The following YIPF6 variants were observed in gnomAD, a reference collection of about 807,000 sequenced individuals.
YIPF6 encodes protein YIPF6.
A neutral mutation model predicts 16.8 loss-of-function variants in YIPF6; 3 were observed. That is an observed-to-expected ratio of 0.18 (90% CI 0.08 to 0.46). The LOEUF is 0.46. YIPF6 is among the 20% of genes least tolerant of loss of function. YIPF6 has a pLI of 0.98. For synonymous variants in YIPF6, 67 were observed against 61.9 expected, an observed-to-expected ratio of 1.08 and a Z score of -0.38; for missense variants, 145 against 184.9, an observed-to-expected ratio of 0.78 and a Z score of 1.25.
chrX:68,521,057 G>A (rs1362459541), intron 4 of YIPF6, among the ~76,000 whole-genome samples: 1 of 110,468 alleles, frequency 9.1e-6, no homozygotes, highest in Non-Finnish European at 1.9e-5. Flanking sequence ...ATAAGCCCAA[G>A]GCCTCATTAT....
At chrX:68,523,428 G>T (rs900129041) in intron 6 of YIPF6, among the ~76,000 whole-genome samples, 35 of 111,711 alleles carry the variant, frequency 3.1e-4, no homozygotes, top group African/African-American at 1.1e-3. Context: ...CTTGCCCTAG[G>T]TTGCATTACT....
rs201143857 is a variant in YIPF6, at chrX:68,502,830, CTT to C, written c.57+3720_57+3721del. Among the ~76,000 whole-genome samples, 82 of 96,983 alleles carry C rather than the reference CTT, an allele frequency of 8.5e-4. No individual in the cohort carries two copies. The East Asian group carries it at 0.024, about 28-fold the overall frequency. 84.2% of individuals were successfully genotyped at this position (96,983 alleles called of 115,157 possible). A position where few individuals can be genotyped will look rare whatever the true frequency, so the allele number is the denominator to read the frequency against. On this transcript the variant is annotated intron_variant, in intron 1 of 6. Coordinates refer to ENST00000462683, the MANE Select transcript of YIPF6 (RefSeq NM_173834.4). The stretch of plus-strand genomic sequence containing the variant: ...TGTAATAATGGCTGCAGTCTGGGGT[CTT>C]TTTTTTTTTTTTGAGCCGGAGTTTT...
chrX:68,527,756 T>G (rs899838054), intron 6 of YIPF6, among the ~76,000 whole-genome samples: 1 of 112,209 alleles, frequency 8.9e-6, no homozygotes, highest in African/African-American at 3.2e-5. Context: ...AGCAGGTCGT[T>G]CAGTTTCTGT....
At chrX:68,526,199 A>C (rs2079147064) in intron 6 of YIPF6, among the ~76,000 whole-genome samples, 1 of 111,343 alleles carries the variant, frequency 9.0e-6, no homozygotes, top group African/African-American at 3.3e-5. Flanking sequence ...GAGGTCCTTC[A>C]TATCCCTTGT....
chrX:68,518,824 C>A lies in YIPF6; in HGVS notation c.308+12C>A. 8.5e-7 allele frequency: 1 copy of A among 1,169,641 alleles called. No homozygotes were observed. Among genetic ancestry groups the A allele is most frequent in the African/African-American group, 1.8e-5 (1 of 55,334 alleles). ...GTGACACTCGCATTGTAAGTACTTG[C>A]ATTTTCTTTCTTTGTCATTTGAGCT... On this transcript the variant is annotated intron_variant, in intron 4 of 6. Coordinates refer to ENST00000462683, the MANE Select transcript of YIPF6 (RefSeq NM_173834.4).
At chrX:68,531,451 C>T (rs908020065) in intron 6 of YIPF6, among the ~76,000 whole-genome samples, 6 of 111,473 alleles carry the variant, frequency 5.4e-5, no homozygotes, top group African/African-American at 2.0e-4. Flanking sequence ...ATGAGTAAAA[C>T]GATGATTAGG....
At chrX:68,516,236 A>G (rs769089148) in intron 3 of YIPF6, among the ~76,000 whole-genome samples, 6 of 112,592 alleles carry the variant, frequency 5.3e-5, no homozygotes, top group African/African-American at 1.6e-4. Flanking sequence ...AATGAAAAGT[A>G]TAATATAGTA....
intron 5 of YIPF6, among the ~76,000 whole-genome samples, chrX:68,521,958 C>T (rs934225948): frequency 1.8e-5 from 2 of 110,976 alleles, no homozygotes; most frequent in Non-Finnish European, 3.8e-5. Flanking sequence ...CTTAAAACCA[C>T]TACCACTGTA....
At chrX:68,526,988 C>T (rs937867764) in intron 6 of YIPF6, among the ~76,000 whole-genome samples, 1 of 111,477 alleles carries the variant, frequency 9.0e-6, no homozygotes, top group Admixed American at 9.6e-5. Flanking sequence ...GCTGGCCTCA[C>T]GAAATGAGTT....
chrX:68,528,278 T>C (rs1197368140), intron 6 of YIPF6, among the ~76,000 whole-genome samples: 1 of 111,935 alleles, frequency 8.9e-6, no homozygotes, highest in Non-Finnish European at 1.9e-5. Flanking sequence ...GTTTAAAGTC[T>C]GTTTTATCAG....
rs1242617977 is a variant in YIPF6, at chrX:68,533,429, T to G, written c.*1430T>G. On this transcript the variant is annotated 3_prime_UTR_variant, in exon 7 of 7. Coordinates refer to ENST00000462683, the MANE Select transcript of YIPF6 (RefSeq NM_173834.4). ...AAAACACTCATTGTAAATATACTATTAGTTGATAAACATAGGACTTTCTTA... is the reference window on the plus strand; with the variant it reads ...AAAACACTCATTGTAAATATACTATGAGTTGATAAACATAGGACTTTCTTA... 8.9e-6 allele frequency: 1 copy of G among 111,953 alleles called. No individual in the cohort carries two copies. The highest frequency in any genetic ancestry group is 3.2e-5 in the African/African-American group (1 of 30,828). 9.2% of individuals were successfully genotyped at this position (111,953 alleles called of 1,213,427 possible).
intron 3 of YIPF6, among the ~76,000 whole-genome samples, chrX:68,517,258 A>G (rs2079106651): frequency 9.0e-6 from 1 of 110,738 alleles, no homozygotes; most frequent in Non-Finnish European, 1.9e-5. Context: ...AGCAATTCCC[A>G]TGCCTCAGCC....
At chrX:68,500,583 G>A (rs753389343) in intron 1 of YIPF6, among the ~76,000 whole-genome samples, 5 of 111,635 alleles carry the variant, frequency 4.5e-5, no homozygotes, top group Non-Finnish European at 7.5e-5. Context: ...CCAAAGTGCT[G>A]GGACACAGGT....
In YIPF6 at chrX:68,522,830, C is replaced by T. The variant is rs184026155; in HGVS notation, c.505C>T (p.Arg169Trp). 9.9e-6 allele frequency: 12 copies of T among 1,208,392 alleles called. No individual in the cohort carries two copies. The highest frequency in any genetic ancestry group is 2.2e-5 in the Admixed American group (1 of 45,456). Residue 169 changes from arginine (R) to tryptophan (W), a missense_variant, in exon 6 of 7, where the codon CGG becomes TGG. Coordinates refer to ENST00000462683, the MANE Select transcript of YIPF6 (RefSeq NM_173834.4). ...CTTGACAGTAGCAATGCTGATTTGCCGGCTGGTACTTTTGGCTGATCCAGG... is the reference window on the plus strand; with the variant it reads ...CTTGACAGTAGCAATGCTGATTTGCTGGCTGGTACTTTTGGCTGATCCAGG... ...LPLTVAMLIC[R>W]LVLLADPGPV...
intron 6 of YIPF6, among the ~76,000 whole-genome samples, chrX:68,523,834 C>G (rs1321229055): frequency 8.9e-6 from 1 of 111,779 alleles, no homozygotes; most frequent in African/African-American, 3.3e-5. Flanking sequence ...GGGTGCTTTT[C>G]CCATGGGGAG....
In YIPF6 at chrX:68,532,822, C is replaced by A. The variant is rs2079177374; in HGVS notation, c.*823C>A. On this transcript the variant is annotated 3_prime_UTR_variant, in exon 7 of 7. Transcript: ENST00000462683. The stretch of plus-strand genomic sequence containing the variant: ...GCTGGAACTTATCCAAAAAGAAGAC[C>A]TCAGAAACTTAGATTGGTAGATCTC... The A allele has an allele frequency of 8.9e-6, 1 of 111,888 alleles. No individual in the cohort carries two copies. Among genetic ancestry groups the A allele is most frequent in the African/African-American group, 3.2e-5 (1 of 30,834 alleles). 9.2% of individuals were successfully genotyped at this position (111,888 alleles called of 1,213,427 possible).
rs946086045 is a variant in YIPF6 at position 68,534,798 on chromosome X, G to A, written c.*2799G>A. 8.9e-6 allele frequency: 1 copy of A among 112,021 alleles called. No individual in the cohort carries two copies. The highest frequency in any genetic ancestry group is 1.9e-5 in the Non-Finnish European group (1 of 53,281). 9.2% of individuals were successfully genotyped at this position (112,021 alleles called of 1,213,427 possible). On this transcript the variant is annotated 3_prime_UTR_variant, in exon 7 of 7. Transcript: ENST00000462683. ...CATAGCTGATTATAGAAGTGAAGAC[G>A]GCAAGGACGGGGACTCCAACAAAGG...
chrX:68,501,565 A>G (rs2079041200), intron 1 of YIPF6, among the ~76,000 whole-genome samples: 2 of 111,883 alleles, frequency 1.8e-5, no homozygotes, highest in South Asian at 3.7e-4. Context: ...CCATGCATGA[A>G]ATTTGAACCT....
chrX:68,506,735 T>A (rs1375647717), intron 1 of YIPF6, among the ~76,000 whole-genome samples: 2 of 111,217 alleles, frequency 1.8e-5, no homozygotes, highest in African/African-American at 6.5e-5. Flanking sequence ...TAAGAAATTT[T>A]TTTTTGATTT....
Sources: gnomAD v4.1 joint callset for allele counts (sites outside exome capture counted in the v4.1 genomes callset) on GRCh38, gnomAD v4.1.1 for gene constraint, MANE v1.5 for transcripts, NCBI Gene and HGNC (gene_info 2026-07-23, HGNC 2026-07-21) for gene names.